Variants in TNN observed in about 807,000 individuals in gnomAD.
The protein encoded by TNN is tenascin N, also known as tenascin-N.
In TNN, 122 loss-of-function variants were observed where a neutral mutation model predicts 134.4. The observed-to-expected ratio is 0.91, with a 90% CI of 0.78 to 1.06. The LOEUF is 1.06. Ranked by LOEUF, TNN falls within the 50% of genes least tolerant of loss-of-function variation. The pLI is 0.00. For synonymous variants in TNN, 710 were observed against 670.3 expected, an observed-to-expected ratio of 1.06 and a Z score of -0.91; for missense variants, 1,739 against 1,699.4, an observed-to-expected ratio of 1.02 and a Z score of -0.41.
intron 16 of TNN, among the ~76,000 whole-genome samples, chr1:175,136,609 C>G (rs973208553): frequency 6.6e-6 from 1 of 152,132 alleles, no homozygotes; most frequent in African/African-American, 2.4e-5. Flanking sequence ...TTACCCTGCC[C>G]CCTTCACTGC....
intron 15 of TNN, among the ~76,000 whole-genome samples, chr1:175,129,905 G>T (rs1377493300): frequency 1.3e-5 from 2 of 152,196 alleles, no homozygotes; most frequent in Non-Finnish European, 2.9e-5. Context: ...GTTTTGATTG[G>T]AAAGACTAAA....
In TNN at chr1:175,083,910, C is replaced by A. The variant is rs1056031201; in HGVS notation, c.1209C>A (p.Asp403Glu). ...VAEVTVPKSS[D>E]PKSRYDITGL... ...AGGTCACTGTGCCCAAGAGCAGTGA[C>A]CCCAAGAGCCGATATGACATCACTG... Residue 403 changes from aspartate to glutamate, a missense_variant, in exon 5 of 19, where the codon GAC (aspartate) becomes GAA (glutamate). Coordinates refer to ENST00000239462, the MANE Select transcript of TNN (RefSeq NM_022093.2). 4.3e-6 allele frequency: 7 copies of A among 1,614,008 alleles called. 1 individual carries two copies. In the South Asian group the frequency reaches 4.4e-5, roughly 10 times the overall value.
chr1:175,118,997 A>G (rs1675269954), intron 11 of TNN, among the ~76,000 whole-genome samples, 173 bp downstream of exon 11: 1 of 152,242 alleles, frequency 6.6e-6, no homozygotes, highest in Non-Finnish European at 1.5e-5. Flanking sequence ...ACAAAGAAAC[A>G]AAAAACTTTC....
intron 13 of TNN, among the ~76,000 whole-genome samples, chr1:175,127,708 A>G (rs1037102334): frequency 3.3e-5 from 5 of 152,164 alleles, no homozygotes; most frequent in African/African-American, 1.2e-4. Flanking sequence ...TCCTGCTGGC[A>G]ATGTAGCCAC....
At chr1:175,114,925 G>A (rs1183143575) in intron 9 of TNN, among the ~76,000 whole-genome samples, 3 of 152,058 alleles carry the variant, frequency 2.0e-5, no homozygotes, top group African/African-American at 7.3e-5. Flanking sequence ...AAGGCCAGAT[G>A]CAGCAGCAGC....
At chr1:175,112,926 C>T (rs4651312) in intron 9 of TNN, among the ~76,000 whole-genome samples, 5,637 of 152,062 alleles carry the variant, frequency 0.037, 157 homozygotes, top group Middle Eastern at 0.099. Flanking sequence ...CCGGCCTCAG[C>T]AAGTCTATCT....
chr1:175,145,160 G>C (rs931960162), intron 18 of TNN, among the ~76,000 whole-genome samples: 33 of 151,972 alleles, frequency 2.2e-4, no homozygotes, highest in African/African-American at 7.5e-4. Flanking sequence ...GTTGGTGGGG[G>C]GTGGTTAGGG....
In TNN at chr1:175,111,834, A is replaced by G. The variant is rs561601458; in HGVS notation, c.2120-5105A>G. The stretch of plus-strand genomic sequence containing the variant: ...ATATAGAAACACTACTGATTTTTAT[A>G]TGCTAATTTTGTATCGTGAAACTTT... On this transcript the variant is annotated intron_variant, in intron 9 of 18. Transcript: ENST00000239462. Among the ~76,000 whole-genome samples, 4 of 151,286 alleles carry G rather than the reference A, an allele frequency of 2.6e-5. No homozygotes were observed. In the East Asian group the frequency reaches 7.7e-4, roughly 29 times the overall value.
chr1:175,116,793 T>C, intron 9 of TNN, 146 bp from the exon 10 acceptor site: 1 of 1,110,590 alleles, frequency 9.0e-7, no homozygotes, highest in South Asian at 1.3e-5. Flanking sequence ...GGGGATAAGG[T>C]CTATATCCAT....
chr1:175,084,658 C>G (rs1415937054), intron 5 of TNN, among the ~76,000 whole-genome samples: 1 of 152,162 alleles, frequency 6.6e-6, no homozygotes. Flanking sequence ...TTCTGCTGTC[C>G]ACTCCTTGAG....
At chr1:175,068,084 T>C (rs984695247) in intron 1 of TNN, 149 bp downstream of exon 1, 1 of 384,108 alleles carries the variant, frequency 2.6e-6, no homozygotes, top group Non-Finnish European at 5.2e-6. Flanking sequence ...CCATGAAGAG[T>C]TAAAATGAAT....
chr1:175,073,991 T>G (rs2149425068), intron 1 of TNN, among the ~76,000 whole-genome samples: 1 of 152,288 alleles, frequency 6.6e-6, no homozygotes. Context: ...CAACTTGGCC[T>G]CGCCAAAGTC....
intron 9 of TNN, among the ~76,000 whole-genome samples, chr1:175,101,997 C>T (rs375993750): frequency 2.1e-4 from 30 of 141,942 alleles, no homozygotes; most frequent in African/African-American, 6.6e-4. Flanking sequence ...TACAGAGTGT[C>T]GATTGGTGCA....
intron 12 of TNN, among the ~76,000 whole-genome samples, chr1:175,124,951 A>C (rs1015403804): frequency 1.3e-5 from 2 of 152,348 alleles, no homozygotes; most frequent in African/African-American, 4.8e-5. Context: ...CTTCATAGAA[A>C]TGTGAAAGTA....
chr1:175,127,092 G>A lies in TNN; in HGVS notation c.3045+7G>A. The A allele has an allele frequency of 1.2e-6, 2 of 1,611,686 alleles. No homozygotes were observed. The highest frequency in any genetic ancestry group is 1.1e-5 in the South Asian group (1 of 90,572). The stretch of plus-strand genomic sequence containing the variant: ...CCCAGATGGCACAGTTAAGGTACGG[G>A]GATTCCTTGTCTTTTCTCCTGGTGC... On this transcript the variant is annotated splice_region_variant and intron_variant, in intron 13 of 18. Transcript: ENST00000239462.
chr1:175,095,400 C>T (rs1362708229), intron 7 of TNN, among the ~76,000 whole-genome samples: 1 of 152,182 alleles, frequency 6.6e-6, no homozygotes, highest in African/African-American at 2.4e-5. Flanking sequence ...TGTAAATGGA[C>T]TGGTGTGACT....
At chr1:175,071,461 C>T (rs1027446828) in intron 1 of TNN, among the ~76,000 whole-genome samples, 7 of 152,172 alleles carry the variant, frequency 4.6e-5, no homozygotes, top group South Asian at 4.1e-4. Flanking sequence ...AATTCTCCAG[C>T]TTCTCATGAG....
In TNN at chr1:175,135,908, G is replaced by A. The variant is rs758174548; in HGVS notation, c.3394G>A (p.Gly1132Ser). The A allele has an allele frequency of 1.9e-6, 3 of 1,613,744 alleles. No homozygotes were observed. Among genetic ancestry groups the A allele is most frequent in the South Asian group, 2.2e-5 (2 of 91,066 alleles). Residue 1132 changes from glycine to serine, a missense_variant, in exon 16 of 19, where the codon GGC (glycine) becomes AGC (serine). By Grantham distance (56) the Gly-to-Ser change is moderately conservative. Transcript: ENST00000239462. ...CAAGCGATGGAGGAGCTATGTGGAA[G>A]GCTTTGGGGACCCCATGAAGGAGTT... ...FFKRWRSYVE[G>S]FGDPMKEFWL...
At chr1:175,128,805 G>A in intron 15 of TNN, 59 bp downstream of exon 15, 2 of 1,533,304 alleles carry the variant, frequency 1.3e-6, no homozygotes, top group South Asian at 1.3e-5. Flanking sequence ...AGCCCAGGAT[G>A]CCGGTCATGG....
Sources: allele counts gnomAD v4.1 joint callset (sites outside exome capture counted in the v4.1 genomes callset), GRCh38; gene constraint gnomAD v4.1.1; transcripts MANE v1.5; gene names NCBI Gene and HGNC (gene_info 2026-07-23, HGNC 2026-07-21).